The following CEP112 variants were observed in gnomAD, a reference collection of about 807,000 sequenced individuals.
CEP112 encodes centrosomal protein 112.
A neutral mutation model predicts 153.0 loss-of-function variants in CEP112; 127 were observed. That is an observed-to-expected ratio of 0.83 (90% CI 0.72 to 0.96). The LOEUF (loss-of-function observed/expected upper bound fraction) is 0.96. Among genes scored for constraint, CEP112 ranks in the 40% least tolerant of loss-of-function variants. The pLI is 0.00. For synonymous variants in CEP112, 358 were observed against 374.4 expected, an observed-to-expected ratio of 0.96 and a Z score of 0.51; for missense variants, 1,089 against 1,101.2, an observed-to-expected ratio of 0.99 and a Z score of 0.16.
At chr17:65,637,304 G>A in intron 25 of CEP112, 116 bp from the exon 26 acceptor site, 1 of 737,786 alleles carries the variant, frequency 1.4e-6, no homozygotes, top group Non-Finnish European at 2.4e-6. Context: ...AAACTCAGAG[G>A]ATTTGTTGAA....
At chr17:65,831,575 C>G (rs368321429) in intron 21 of CEP112, among the ~76,000 whole-genome samples, 4 of 147,646 alleles carry the variant, frequency 2.7e-5, no homozygotes, top group African/African-American at 9.9e-5. Flanking sequence ...AAAAAAAGAA[C>G]AAATTTCAGA....
At chr17:65,813,433 A>C (rs2056092001) in intron 21 of CEP112, among the ~76,000 whole-genome samples, 1 of 152,234 alleles carries the variant, frequency 6.6e-6, no homozygotes, top group African/African-American at 2.4e-5. Flanking sequence ...CATAAAACCA[A>C]TGATCTTGTG....
At chr17:65,782,480 C>T (rs1457687349) in intron 21 of CEP112, among the ~76,000 whole-genome samples, 1 of 152,172 alleles carries the variant, frequency 6.6e-6, no homozygotes, top group Non-Finnish European at 1.5e-5. Context: ...CCAGCAATCC[C>T]ATTACTGGGT....
At chr17:65,824,518 T>C (rs1433453418) in intron 21 of CEP112, among the ~76,000 whole-genome samples, 3 of 152,210 alleles carry the variant, frequency 2.0e-5, no homozygotes, top group Non-Finnish European at 4.4e-5. Flanking sequence ...ACATAACCTA[T>C]ATAAGTTATA....
At chr17:66,078,279 A>C (rs1426363923) in intron 8 of CEP112, among the ~76,000 whole-genome samples, 1 of 103,732 alleles carries the variant, frequency 9.6e-6, no homozygotes. Context: ...TTTTTTTTTG[A>C]GACGGAGTCT....
intron 21 of CEP112, among the ~76,000 whole-genome samples, chr17:65,840,402 G>A (rs2057472857): frequency 6.6e-6 from 1 of 152,250 alleles, no homozygotes; most frequent in African/African-American, 2.4e-5. Flanking sequence ...ATACCTTGGA[G>A]AAAGGACAGT....
intron 4 of CEP112, among the ~76,000 whole-genome samples, chr17:66,153,639 G>A (rs1187936351): frequency 6.6e-6 from 1 of 152,100 alleles, no homozygotes; most frequent in Non-Finnish European, 1.5e-5. Context: ...GTAAAAACTG[G>A]TGAGCTAATC....
intron 12 of CEP112, 102 bp from the exon 13 acceptor site, chr17:66,030,125 A>T: frequency 1.1e-6 from 1 of 916,562 alleles, no homozygotes; most frequent in South Asian, 2.1e-5. Flanking sequence ...AGAATAAATA[A>T]AACAAATGTA....
chr17:65,741,777 A>G (rs1213626704), intron 23 of CEP112, among the ~76,000 whole-genome samples: 2 of 152,058 alleles, frequency 1.3e-5, no homozygotes, highest in African/African-American at 4.8e-5. Flanking sequence ...TTTAAATTTT[A>G]TAGAACTAAA....
At chr17:65,662,087 G>T (rs1384270594) in intron 24 of CEP112, among the ~76,000 whole-genome samples, 1 of 152,000 alleles carries the variant, frequency 6.6e-6, no homozygotes, top group African/African-American at 2.4e-5. Flanking sequence ...TCCCACCTCG[G>T]CCTCCTGAGT....
chr17:65,937,512 T>A (rs565125335), intron 18 of CEP112, among the ~76,000 whole-genome samples: 34 of 133,132 alleles, frequency 2.6e-4, no homozygotes, highest in South Asian at 1.5e-3. Context: ...AACCGCCCCG[T>A]CTGAGAAGTG....
chr17:66,002,746 A>G (rs1861747), intron 17 of CEP112, among the ~76,000 whole-genome samples: 62,288 of 152,000 alleles, frequency 0.41, 14,229 homozygotes, highest in East Asian at 0.87. Context: ...TATATATCCC[A>G]GTTTTCTCTG....
intron 24 of CEP112, among the ~76,000 whole-genome samples, chr17:65,679,129 CTT>C (rs57907674): frequency 1.6e-3 from 51 of 31,606 alleles, no homozygotes; most frequent in Non-Finnish European, 2.2e-3. Flanking sequence ...GTGGTTCAAG[CTT>C]TTTTTTTTTT....
chr17:66,166,204 C>A (rs977856992), intron 4 of CEP112, among the ~76,000 whole-genome samples: 3 of 152,106 alleles, frequency 2.0e-5, no homozygotes, highest in African/African-American at 7.2e-5. Flanking sequence ...AATAAAATGG[C>A]ACCTAATTAA....
At chr17:66,184,310 T>C (rs1008304678) in intron 1 of CEP112, among the ~76,000 whole-genome samples, 1 of 152,066 alleles carries the variant, frequency 6.6e-6, no homozygotes, top group Admixed American at 6.6e-5. Flanking sequence ...AAAACTGTCC[T>C]GCAAAGGACG....
At chr17:66,083,375 G>A (rs763176967) in intron 8 of CEP112, among the ~76,000 whole-genome samples, 81 of 152,108 alleles carry the variant, frequency 5.3e-4, no homozygotes, top group Non-Finnish European at 7.6e-4. Context: ...CCTCTTTTTC[G>A]TTATAAATTA....
At chr17:65,781,563 A>G (rs2145630117) in intron 21 of CEP112, among the ~76,000 whole-genome samples, 1 of 152,334 alleles carries the variant, frequency 6.6e-6, no homozygotes, top group Admixed American at 6.5e-5. Flanking sequence ...CTAAGCAAAA[A>G]GAACAATGCT....
At chr17:65,994,364 C>T (rs2063707840) in intron 17 of CEP112, among the ~76,000 whole-genome samples, 1 of 152,148 alleles carries the variant, frequency 6.6e-6, no homozygotes, top group African/African-American at 2.4e-5. Context: ...GTCTTGCTCT[C>T]TTACCCAAGC....
intron 24 of CEP112, among the ~76,000 whole-genome samples, chr17:65,687,323 C>T (rs1219885734): frequency 2.6e-5 from 4 of 151,680 alleles, no homozygotes; most frequent in Non-Finnish European, 5.9e-5. Context: ...CCTGCCACCA[C>T]GCCCAGCTAA....
Sources: gnomAD v4.1 joint callset for allele counts (sites outside exome capture counted in the v4.1 genomes callset) on GRCh38, gnomAD v4.1.1 for gene constraint, MANE v1.5 for transcripts, NCBI Gene and HGNC (gene_info 2026-07-23, HGNC 2026-07-21) for gene names.